Variants in TBC1D14 observed in about 807,000 individuals in gnomAD.
TBC1D14 encodes the protein TBC1 domain family, member 14.
TBC1D14 carries 26 observed loss-of-function variants against 79.0 expected under a neutral mutation model. That is an observed-to-expected ratio of 0.33 (90% CI 0.24 to 0.46). The LOEUF (loss-of-function observed/expected upper bound fraction) is 0.46. Ranked by LOEUF, TBC1D14 falls within the 20% of genes least tolerant of loss-of-function variation. The probability of loss-of-function intolerance (pLI) is 1.00; values close to 1 mark genes in which losing one functional copy is unlikely to be tolerated. For missense variants in TBC1D14, 769 were observed against 887.6 expected, an observed-to-expected ratio of 0.87 and a Z score of 1.70; for synonymous variants, 394 against 349.9, an observed-to-expected ratio of 1.13 and a Z score of -1.40.
chr4:6,989,730 GCCCTGCATGCTGAGTCTCATGCAGAGCC>G (rs1718294735), intron 3 of TBC1D14, among the ~76,000 whole-genome samples: 1 of 151,892 alleles, frequency 6.6e-6, no homozygotes, highest in South Asian at 2.1e-4. Flanking sequence ...CTTCCCTCTT[GCCCTGCATGCTGAGTCTCATGCAGAGCC>G]CTCTGCATGA....
intron 6 of TBC1D14, 109 bp from the exon 7 acceptor site, chr4:7,001,036 C>T: frequency 1.2e-6 from 1 of 815,244 alleles, no homozygotes; most frequent in Non-Finnish European, 2.0e-6. Context: ...AGGGGCTGTG[C>T]CTGATGCAAC....
chr4:7,011,004 TC>T (rs1375241075), intron 11 of TBC1D14, among the ~76,000 whole-genome samples: 1 of 152,164 alleles, frequency 6.6e-6, no homozygotes, highest in Admixed American at 6.5e-5. Context: ...CTTAATACGT[TC>T]TCTCAGAAAA....
chr4:7,023,201 C>T (rs1722004676), intron 12 of TBC1D14, among the ~76,000 whole-genome samples: 2 of 152,140 alleles, frequency 1.3e-5, no homozygotes, highest in Non-Finnish European at 2.9e-5. Flanking sequence ...TGCAGTGAGT[C>T]GAAATCGCAC....
At chr4:6,978,206 C>T (rs1354520231) in intron 3 of TBC1D14, among the ~76,000 whole-genome samples, 2 of 150,804 alleles carry the variant, frequency 1.3e-5, no homozygotes, top group African/African-American at 4.9e-5. Context: ...AGTGAGGAGC[C>T]CCTCTGCCCG....
intron 1 of TBC1D14, among the ~76,000 whole-genome samples, chr4:6,917,376 T>C (rs1723487299): frequency 6.6e-6 from 1 of 152,094 alleles, no homozygotes; most frequent in Non-Finnish European, 1.5e-5. Flanking sequence ...AGTTGTAAAA[T>C]AGCTGTTTCA....
chr4:7,000,508 C>T (rs879678220), intron 6 of TBC1D14, among the ~76,000 whole-genome samples: 1 of 152,260 alleles, frequency 6.6e-6, no homozygotes, highest in South Asian at 2.1e-4. Context: ...CAAGCCTGTG[C>T]TCCCCACGAT....
chr4:6,989,476 A>G (rs1718262053), intron 3 of TBC1D14, among the ~76,000 whole-genome samples: 2 of 151,820 alleles, frequency 1.3e-5, no homozygotes, highest in Non-Finnish European at 2.9e-5. Context: ...CTGTCTGTCC[A>G]CTCAGCTGGC....
chr4:7,003,639 A>G (rs1428410168), intron 7 of TBC1D14, among the ~76,000 whole-genome samples: 1 of 152,238 alleles, frequency 6.6e-6, no homozygotes, highest in Non-Finnish European at 1.5e-5. Flanking sequence ...AGCTGCAATT[A>G]AAGTCTTAGT....
intron 1 of TBC1D14, among the ~76,000 whole-genome samples, chr4:6,912,022 C>T (rs1408683070): frequency 2.0e-5 from 3 of 152,060 alleles, no homozygotes; most frequent in African/African-American, 4.8e-5. Flanking sequence ...TCGGCTCAAG[C>T]GATTCTCCCG....
rs564631340 is a variant in TBC1D14 at position 6,962,218 on chromosome 4, C to T, written c.723-5086C>T. Among the ~76,000 whole-genome samples the T allele has an allele frequency of 1.2e-4, 18 of 152,172 alleles. No homozygotes were observed. The South Asian group carries it at 2.9e-3, about 25-fold the overall frequency. ...GGCGCTGTGCAGGTATGGATGGTGGCGGGAGAGGCACCACAGCTATGCGCT... is the reference window on the plus strand; with the variant it reads ...GGCGCTGTGCAGGTATGGATGGTGGTGGGAGAGGCACCACAGCTATGCGCT... On this transcript the variant is annotated intron_variant, in intron 2 of 13. Coordinates refer to ENST00000409757, the MANE Select transcript of TBC1D14 (RefSeq NM_020773.3).
At chr4:7,004,074 C>T (rs1293951016) in intron 7 of TBC1D14, among the ~76,000 whole-genome samples, 1 of 152,110 alleles carries the variant, frequency 6.6e-6, no homozygotes, top group African/African-American at 2.4e-5. Context: ...GGGAACAGGG[C>T]GCTGAGAAGG....
At position 6,967,299 on chromosome 4, in the gene TBC1D14, T is replaced by A. The variant is rs778466658; in HGVS notation, c.723-5T>A. On this transcript the variant is annotated splice_polypyrimidine_tract_variant and splice_region_variant and intron_variant, in intron 2 of 13. Coordinates refer to ENST00000409757, the MANE Select transcript of TBC1D14 (RefSeq NM_020773.3). ...TGCCCTAACCTTGTTATTTTCTTCC[T>A]ATAGGAACTTGCTTGCTAGAAAACA... 6 of 1,613,466 alleles carry A rather than the reference T, an allele frequency of 3.7e-6. No homozygotes were observed. The South Asian group carries it at 6.6e-5, about 18-fold the overall frequency.
intron 3 of TBC1D14, among the ~76,000 whole-genome samples, chr4:6,992,883 A>G (rs1412118273): frequency 6.6e-6 from 1 of 152,250 alleles, no homozygotes; most frequent in Non-Finnish European, 1.5e-5. Context: ...TAATGAAACC[A>G]TGTTAAGCCA....
chr4:6,999,271 T>A, intron 6 of TBC1D14, 69 bp downstream of exon 6: 1 of 1,356,108 alleles, frequency 7.4e-7, no homozygotes, highest in Non-Finnish European at 1.1e-6. Context: ...GCCACAGCTG[T>A]AGTCGTCATA....
At chr4:6,991,877 A>C (rs970358477) in intron 3 of TBC1D14, among the ~76,000 whole-genome samples, 1 of 152,184 alleles carries the variant, frequency 6.6e-6, no homozygotes, top group African/African-American at 2.4e-5. Context: ...CTCTGACTGA[A>C]GCGATCTGAT....
intron 2 of TBC1D14, among the ~76,000 whole-genome samples, chr4:6,965,261 G>A (rs1470782228): frequency 1.3e-5 from 2 of 151,830 alleles, no homozygotes; most frequent in African/African-American, 4.8e-5. Context: ...GGGTTCAAGC[G>A]ATTCTCCTGC....
At chr4:6,973,299 A>G (rs1437171744) in intron 3 of TBC1D14, among the ~76,000 whole-genome samples, 1 of 151,864 alleles carries the variant, frequency 6.6e-6, no homozygotes. Context: ...GGTACTCCAA[A>G]AGTCTCAAAA....
chr4:7,004,401 A>G (rs1337017735), intron 7 of TBC1D14, among the ~76,000 whole-genome samples: 8 of 152,304 alleles, frequency 5.3e-5, no homozygotes, highest in Middle Eastern at 3.4e-3. Context: ...TTGAAACCCA[A>G]TGATTCTCTG....
rs116246462 is a variant in TBC1D14 at position 6,992,351 on chromosome 4, T to C, written c.844-1833T>C. 3.0e-3 allele frequency among the ~76,000 whole-genome samples: 460 copies of C among 152,344 alleles called. 1 individual carries two copies. The highest frequency in any genetic ancestry group is 0.01 in the African/African-American group (432 of 41,578). On this transcript the variant is annotated intron_variant, in intron 3 of 13. Coordinates refer to ENST00000409757, the MANE Select transcript of TBC1D14 (RefSeq NM_020773.3). ...GGTTTGAGTGTATTCACAGATGATA[T>C]TGGGCCGGCTCAGGGCGGCAGGCCC...
Sources: allele counts gnomAD v4.1 joint callset (sites outside exome capture counted in the v4.1 genomes callset), GRCh38; gene constraint gnomAD v4.1.1; transcripts MANE v1.5; gene names NCBI Gene and HGNC (gene_info 2026-07-23, HGNC 2026-07-21).